Variants in ITIH2 observed in about 807,000 individuals in gnomAD.
ITIH2 encodes inter-alpha-trypsin inhibitor heavy chain H2.
A neutral mutation model predicts 104.4 loss-of-function variants in ITIH2; 103 were observed. That is an observed-to-expected ratio of 0.99 (90% CI 0.84 to 1.16). The LOEUF (loss-of-function observed/expected upper bound fraction) is 1.16. Among genes scored for constraint, ITIH2 ranks in the 50% most tolerant of loss-of-function variants. ITIH2 has a pLI of 0.00. For synonymous variants in ITIH2, 436 were observed against 435.4 expected (o/e 1.00, Z -0.02); for missense variants, 1,108 against 1,162.4 (o/e 0.95, Z 0.68).
chr10:7,738,824 T>C, intron 16 of ITIH2, 66 bp downstream of exon 16: 1 of 1,488,800 alleles, frequency 6.7e-7, no homozygotes, highest in Non-Finnish European at 9.0e-7. Flanking sequence ...AAGCATTGTG[T>C]GCATGAGGCC....
At chr10:7,747,033 T>C (rs61836672) in intron 20 of ITIH2, among the ~76,000 whole-genome samples, 2,807 of 152,298 alleles carry the variant, frequency 0.018, 35 homozygotes, top group Non-Finnish European at 0.026. Flanking sequence ...AAAACACCTA[T>C]TACCATAGTG....
chr10:7,735,674 C>CTT lies in ITIH2; in HGVS notation c.1957+598_1957+599dup, dbSNP rs35122608. ...TTTTTCTTTTCTTTTCTTTTCTTTT[C>CTT]TTTTTTTTTTTTTTTTGAGACAGAG... On this transcript the variant is annotated intron_variant, in intron 15 of 20. Coordinates refer to ENST00000358415, the MANE Select transcript of ITIH2 (RefSeq NM_002216.3). 1.0e-2 allele frequency among the ~76,000 whole-genome samples: 1,301 copies of CTT among 130,518 alleles called. 26 individuals are homozygous for CTT. The highest frequency in any genetic ancestry group is 0.033 in the East Asian group (146 of 4,486). 85.6% of individuals were successfully genotyped at this position (130,518 alleles called of 152,430 possible).
chr10:7,745,506 C>G (rs1835167775), intron 19 of ITIH2, among the ~76,000 whole-genome samples: 1 of 152,084 alleles, frequency 6.6e-6, no homozygotes, highest in Non-Finnish European at 1.5e-5. Context: ...GTAATCCCAG[C>G]ACTTTAGGAG....
Position 7,730,143 on chromosome 10 carries a change from T to G in ITIH2, c.1461+10T>G. 1 of 1,576,216 alleles carries G rather than the reference T, an allele frequency of 6.3e-7. No individual in the cohort carries two copies. Among genetic ancestry groups the G allele is most frequent in the Non-Finnish European group, 8.6e-7 (1 of 1,160,308 alleles). On this transcript the variant is annotated intron_variant, in intron 12 of 20. Transcript: ENST00000358415. ...GTCTTCCCAGCTTAAGGTAACATTT[T>G]CTTCTGTTCTTTTTTTATTCTTCAC... is the stretch of plus-strand genomic sequence containing the variant.
rs747778762 is a variant in ITIH2, at chr10:7,717,728, G to T, written c.570G>T (p.Lys190Asn). 1 of 1,613,336 alleles carries T rather than the reference G, an allele frequency of 6.2e-7. No individual in the cohort carries two copies. The highest frequency in any genetic ancestry group is 1.7e-5 in the Admixed American group (1 of 60,038). Residue 190 changes from lysine to asparagine, a missense_variant, in exon 6 of 21, where the codon AAG (lysine) becomes AAT (asparagine). Transcript: ENST00000358415. The stretch of plus-strand genomic sequence containing the variant: ...ACTACCAGGAGGTGAAGTGGAGGAA[G>T]CTGGGCTCCTATGAGCACAGGATCT... ...ELHYQEVKWRKLGSYEHRIYL... is the reference protein window; with the variant it reads ...ELHYQEVKWRNLGSYEHRIYL...
In ITIH2 at chr10:7,744,972, T is replaced by C; in HGVS notation, c.2581+9T>C. 5 of 1,611,234 alleles carry C rather than the reference T, an allele frequency of 3.1e-6. No homozygotes were observed. The highest frequency in any genetic ancestry group is 4.2e-6 in the Non-Finnish European group (5 of 1,177,830). ...AGCCCACGGACTAATAGGTAAAGTG[T>C]CTATTGACCATCTGACAAGGGTGGG... On this transcript the variant is annotated intron_variant, in intron 19 of 20. Transcript: ENST00000358415.
chr10:7,709,492 T>C (rs1025446013), intron 4 of ITIH2, among the ~76,000 whole-genome samples: 1 of 152,162 alleles, frequency 6.6e-6, no homozygotes, highest in African/African-American at 2.4e-5. Context: ...TGGGTTGCCC[T>C]GGCTTATAGG....
At chr10:7,741,602 CT>C (rs1308270878) in intron 16 of ITIH2, among the ~76,000 whole-genome samples, 3 of 152,192 alleles carry the variant, frequency 2.0e-5, no homozygotes, top group Admixed American at 6.5e-5. Context: ...TGAGTGACTG[CT>C]TTAGCCACTG....
chr10:7,723,148 C>CGTGGCGTGGAGTGAA (rs1554765894), intron 8 of ITIH2, among the ~76,000 whole-genome samples: 117 of 139,644 alleles, frequency 8.4e-4, no homozygotes, highest in African/African-American at 3.1e-3. Flanking sequence ...CGTGGAGTGG[C>CGTGGCGTGGAGTGAA]GTGGCGTGGA....
rs781208633 is a variant in ITIH2 at position 7,734,954 on chromosome 10, G to T, written c.1820G>T (p.Arg607Ile). The T allele has an allele frequency of 1.2e-6, 2 of 1,613,514 alleles. No homozygotes were observed. Among genetic ancestry groups the T allele is most frequent in the South Asian group, 1.1e-5 (1 of 91,080 alleles). ...SLAPTAAAKR[R>I]ITRSILQMSL... is the part of the protein sequence containing the mutation. ...GCTCCTACAGCTGCCGCCAAGAGAA[G>T]AATTACAAGATCGATCCTGCAGATG... The change falls in exon 15 of 21, where the codon AGA (arginine) becomes ATA (isoleucine). Residue 607 changes from arginine to isoleucine, a missense_variant. Coordinates refer to ENST00000358415, the MANE Select transcript of ITIH2 (RefSeq NM_002216.3).
chr10:7,728,121 A>T (rs1353771386), intron 11 of ITIH2, among the ~76,000 whole-genome samples: 2 of 152,158 alleles, frequency 1.3e-5, no homozygotes, highest in African/African-American at 2.4e-5. Flanking sequence ...TTCTAGGGAA[A>T]TGCATCTATT....
Position 7,735,120 on chromosome 10 carries a change from G to T in ITIH2, c.1957+29G>T, listed in dbSNP as rs374076339. 8.2e-6 allele frequency: 13 copies of T among 1,578,706 alleles called. No homozygotes were observed. The African/African-American group carries it at 1.7e-4, about 21-fold the overall frequency. On this transcript the variant is annotated intron_variant, in intron 15 of 20. Coordinates refer to ENST00000358415, the MANE Select transcript of ITIH2 (RefSeq NM_002216.3). ...AGGGCTGCACCTGTGGGGACAAGTG[G>T]CCAGGCAGCTCTCTTGCCCCGGGGG...
At chr10:7,725,663 G>T (rs1298787629) in intron 9 of ITIH2, among the ~76,000 whole-genome samples, 1 of 152,236 alleles carries the variant, frequency 6.6e-6, no homozygotes, top group East Asian at 1.9e-4. Flanking sequence ...ATCAGACATT[G>T]CAGGGAATGT....
Position 7,721,655 on chromosome 10 carries a change from G to A in ITIH2, c.745G>A (p.Val249Ile), listed in dbSNP as rs376208756. ...ATGTCACCGTTCTTTCTAGGCGCACGTCTCCTTCAAGCCCACGGTAGCACA... is the reference window on the plus strand; with the variant it reads ...ATGTCACCGTTCTTTCTAGGCGCACATCTCCTTCAAGCCCACGGTAGCACA... Reference protein sequence around the residue: ...VISKGQQKAHVSFKPTVAQQR... With the variant: ...VISKGQQKAHISFKPTVAQQR... Residue 249 changes from valine (V) to isoleucine (I), a missense_variant, in exon 8 of 21, where the codon GTC becomes ATC. By Grantham distance (29) the Val-to-Ile change is conservative (BLOSUM62 3). Transcript: ENST00000358415. 4.1e-5 allele frequency: 66 copies of A among 1,613,484 alleles called. 1 individual carries two copies. The South Asian group carries it at 5.2e-4, about 13-fold the overall frequency.
At chr10:7,719,740 G>A (rs1306268667) in intron 6 of ITIH2, among the ~76,000 whole-genome samples, 1 of 108,670 alleles carries the variant, frequency 9.2e-6, no homozygotes, top group Non-Finnish European at 1.7e-5. Flanking sequence ...CAGGCTGGAT[G>A]GCAAAATGAG....
At chr10:7,737,672 C>A (rs62651618) in intron 15 of ITIH2, among the ~76,000 whole-genome samples, 4 of 26,168 alleles carry the variant, frequency 1.5e-4, no homozygotes, top group Admixed American at 6.7e-4. Flanking sequence ...ATATTATATT[C>A]TATATTTTCT....
intron 15 of ITIH2, among the ~76,000 whole-genome samples, chr10:7,738,224 A>AATATTATATATTATATTCTAT (rs1564306086): frequency 9.2e-6 from 1 of 109,138 alleles, no homozygotes; most frequent in African/African-American, 3.4e-5. Context: ...TATTCTATAT[A>AATATTATATATTATATTCTAT]ATATTATATA....
At chr10:7,709,934 AG>A (rs1451533875) in intron 4 of ITIH2, among the ~76,000 whole-genome samples, 1 of 152,070 alleles carries the variant, frequency 6.6e-6, no homozygotes, top group Non-Finnish European at 1.5e-5. Flanking sequence ...GCTCACTGCA[AG>A]CTCCGCCTCC....
In ITIH2 at chr10:7,749,225, G is replaced by A. The variant is rs1008244932; in HGVS notation, c.2732G>A (p.Gly911Glu). The A allele has an allele frequency of 6.2e-6, 10 of 1,614,030 alleles. No homozygotes were observed. The Admixed American group carries it at 1.7e-4, about 27-fold the overall frequency. ...QKDYRTDLVF[G>E]TDVTCWFVHN... ...GACTACAGAACGGATCTAGTGTTTG[G>A]AACGGACGTTACCTGCTGGTTTGTG... The change falls in exon 21 of 21, where the codon GGA (glycine) becomes GAA (glutamate). Residue 911 changes from glycine (G) to glutamate (E), a missense_variant. Transcript: ENST00000358415.
Sources: gnomAD v4.1 joint callset for allele counts (sites outside exome capture counted in the v4.1 genomes callset) on GRCh38, gnomAD v4.1.1 for gene constraint, MANE v1.5 for transcripts, NCBI Gene and HGNC (gene_info 2026-07-23, HGNC 2026-07-21) for gene names.